ARB2A: variants seen among roughly 807,000 people sequenced by gnomAD.
The protein encoded by ARB2A is cotranscriptional regulator ARB2A.
chr5:93,839,247 T>G, the ARB2A span, among the ~76,000 whole-genome samples: 1 of 152,186 alleles, frequency 6.6e-6, no homozygotes, highest in Non-Finnish European at 1.5e-5. Flanking sequence ...TTTTTAACAT[T>G]AAAAATGTTG....
chr5:93,855,107 G>T, the ARB2A span, among the ~76,000 whole-genome samples: 1 of 152,052 alleles, frequency 6.6e-6, no homozygotes, highest in African/African-American at 2.4e-5. Context: ...CTCTTTGTAG[G>T]TCTCTAAGGA....
chr5:93,789,457 T>G, the ARB2A span, among the ~76,000 whole-genome samples: 3 of 152,344 alleles, frequency 2.0e-5, no homozygotes, highest in East Asian at 5.8e-4. Flanking sequence ...CAGATTAAGT[T>G]GTTTCAAAGG....
chr5:93,726,928 A>G, the ARB2A span, among the ~76,000 whole-genome samples: 1 of 152,064 alleles, frequency 6.6e-6, no homozygotes, highest in African/African-American at 2.4e-5. Flanking sequence ...TAGATTATCC[A>G]TGTAAATGCT....
the ARB2A span, among the ~76,000 whole-genome samples, chr5:93,693,160 A>C: frequency 9.0e-4 from 137 of 152,312 alleles, no homozygotes; most frequent in African/African-American, 3.2e-3. Context: ...AGCAAGAGCA[A>C]ACAAATTCAA....
the ARB2A span, among the ~76,000 whole-genome samples, chr5:94,044,579 T>A: frequency 2.6e-5 from 4 of 152,102 alleles, no homozygotes; most frequent in Non-Finnish European, 4.4e-5. Context: ...GGTGGAAATG[T>A]CACAGGCGTT....
the ARB2A span, among the ~76,000 whole-genome samples, chr5:93,720,616 T>C: frequency 1.3e-5 from 2 of 151,996 alleles, no homozygotes; most frequent in African/African-American, 4.8e-5. Flanking sequence ...CTTCAACTGA[T>C]ACTAGCTCTA....
the ARB2A span, among the ~76,000 whole-genome samples, chr5:93,865,145 G>A: frequency 1.3e-5 from 2 of 152,006 alleles, no homozygotes; most frequent in South Asian, 2.1e-4. Context: ...GCAGTGGCGC[G>A]ATCTCGGCTC....
At chr5:93,995,804 G>A in the ARB2A span, among the ~76,000 whole-genome samples, 12 of 152,222 alleles carry the variant, frequency 7.9e-5, no homozygotes, top group African/African-American at 2.6e-4. Context: ...CTCACGTTAC[G>A]TGTTCTTACC....
the ARB2A span, among the ~76,000 whole-genome samples, chr5:93,691,171 A>G: frequency 6.6e-6 from 1 of 152,096 alleles, no homozygotes; most frequent in Non-Finnish European, 1.5e-5. Flanking sequence ...AGGATGGAGA[A>G]TGACTTTGAC....
At chr5:93,851,268 G>A in the ARB2A span, among the ~76,000 whole-genome samples, 6 of 152,084 alleles carry the variant, frequency 3.9e-5, no homozygotes, top group Admixed American at 3.3e-4. Flanking sequence ...CAGAAGTTTA[G>A]AAATCATGGC....
At chr5:93,776,268 G>A in the ARB2A span, 3 of 1,567,106 alleles carry the variant, frequency 1.9e-6, no homozygotes, top group South Asian at 1.2e-5. Flanking sequence ...AGACAATATT[G>A]TTGAAATACA....
chr5:93,735,566 T>C, the ARB2A span: 1 of 152,202 alleles, frequency 6.6e-6, no homozygotes, highest in Non-Finnish European at 1.5e-5. Context: ...GCATTCAACA[T>C]GGTCTGACTC....
At chr5:93,719,019 T>C in the ARB2A span, among the ~76,000 whole-genome samples, 1 of 152,362 alleles carries the variant, frequency 6.6e-6, no homozygotes, top group South Asian at 2.1e-4. Context: ...ATGTCTTCTG[T>C]AGACATCCTA....
the ARB2A span, among the ~76,000 whole-genome samples, chr5:94,016,970 T>C: frequency 6.6e-6 from 1 of 152,180 alleles, no homozygotes; most frequent in African/African-American, 2.4e-5. Flanking sequence ...TATTGAACGG[T>C]AGAAGACCAA....
chr5:93,787,953 TAACA>T, the ARB2A span, among the ~76,000 whole-genome samples: 1 of 152,194 alleles, frequency 6.6e-6, no homozygotes, highest in African/African-American at 2.4e-5. Context: ...ATTTCAGCAT[TAACA>T]AAAAAATGTG....
chr5:94,086,919 A>C, the ARB2A span, among the ~76,000 whole-genome samples: 1 of 152,206 alleles, frequency 6.6e-6, no homozygotes, highest in Non-Finnish European at 1.5e-5. Context: ...AAAATAAAAA[A>C]GTTAACTGTA....
chr5:94,070,627 T>A, the ARB2A span, among the ~76,000 whole-genome samples: 1 of 151,630 alleles, frequency 6.6e-6, no homozygotes, highest in African/African-American at 2.4e-5. Flanking sequence ...CACATATCAA[T>A]AAAACAAAGA....
the ARB2A span, among the ~76,000 whole-genome samples, chr5:93,789,034 T>A: frequency 6.6e-6 from 1 of 152,162 alleles, no homozygotes; most frequent in Non-Finnish European, 1.5e-5. Flanking sequence ...AGAGCCAGTG[T>A]GGGTTGGGGT....
the ARB2A span, among the ~76,000 whole-genome samples, chr5:93,795,966 C>A: frequency 1.3e-5 from 2 of 152,066 alleles, no homozygotes; most frequent in Non-Finnish European, 2.9e-5. Context: ...CAAGTTATAC[C>A]TGTGATTTCA....
Sources: allele counts gnomAD v4.1 joint callset (sites outside exome capture counted in the v4.1 genomes callset), GRCh38; gene constraint gnomAD v4.1.1; transcripts MANE v1.5; gene names NCBI Gene and HGNC (gene_info 2026-07-23, HGNC 2026-07-21).